ZNRF2: variants seen among roughly 807,000 people sequenced by gnomAD.
ZNRF2 encodes zinc and ring finger 2.
Under a neutral mutation model 20.4 loss-of-function variants are expected in ZNRF2, and 16 were observed. That is an observed-to-expected ratio of 0.79 (90% CI 0.53 to 1.19). The LOEUF (loss-of-function observed/expected upper bound fraction) is 1.19, where lower values mean the gene tolerates loss of function less well. Among genes scored for constraint, ZNRF2 ranks in the 50% most tolerant of loss-of-function variants. ZNRF2 has a pLI of 0.00. For missense variants in ZNRF2, 363 were observed against 332.4 expected, an observed-to-expected ratio of 1.09 and a Z score of -0.72; for synonymous variants, 178 against 144.9, an observed-to-expected ratio of 1.23 and a Z score of -1.64.
intron 1 of ZNRF2, chr7:30,289,659 G>A: frequency 2.4e-6 from 1 of 409,564 alleles, no homozygotes; most frequent in East Asian, 6.5e-5. Context: ...CTGTGTGTAA[G>A]TGTGGCCTGT....
chr7:30,319,791 CTGTT>C (rs1389777699), intron 1 of ZNRF2, among the ~76,000 whole-genome samples: 1 of 152,098 alleles, frequency 6.6e-6, no homozygotes, highest in Non-Finnish European at 1.5e-5. Flanking sequence ...GTTTTCTTCT[CTGTT>C]TAACAAGAGC....
At position 30,362,391 on chromosome 7, in the gene ZNRF2, G is replaced by A; in HGVS notation, c.686G>A (p.Trp229Ter). The A allele has an allele frequency of 6.3e-7, 1 of 1,587,840 alleles. No homozygotes were observed. The change falls in exon 4 of 5, where the codon TGG (tryptophan) becomes TAG (stop). Residue 229 changes from tryptophan (W) to a stop codon, truncating the protein, a stop_gained. Transcript: ENST00000323037. LOFTEE classifies it high-confidence loss of function. Reference sequence around the variant, plus strand: ...TTCCTTTCTAGCTGCATAGATGAATGGTTTGAAGTAAATAGATCTTGCCCT... The same window carrying A: ...TTCCTTTCTAGCTGCATAGATGAATAGTTTGAAGTAAATAGATCTTGCCCT... ...CIYHKGCIDEWFEVNRSCPEH... is the reference protein window; with the variant it reads ...CIYHKGCIDE
chr7:30,296,136 A>G (rs1367500870), intron 1 of ZNRF2, among the ~76,000 whole-genome samples: 1 of 152,204 alleles, frequency 6.6e-6, no homozygotes, highest in Non-Finnish European at 1.5e-5. Context: ...AATTATTGTC[A>G]TGTTTAAATT....
intron 1 of ZNRF2, among the ~76,000 whole-genome samples, chr7:30,301,444 C>T (rs1186056350): frequency 6.6e-6 from 1 of 152,092 alleles, no homozygotes; most frequent in Non-Finnish European, 1.5e-5. Context: ...GATCACGCCA[C>T]TGCACTCCAT....
At position 30,355,671 on chromosome 7, in the gene ZNRF2, CT is replaced by C. The variant is rs900507773; in HGVS notation, c.566-51del. The C allele has an allele frequency of 1.7e-5, 24 of 1,445,442 alleles. No homozygotes were observed. In the South Asian group the frequency reaches 2.4e-4, roughly 15 times the overall value. 89.5% of individuals were successfully genotyped at this position (1,445,442 alleles called of 1,614,324 possible). A position where few individuals can be genotyped will look rare whatever the true frequency, so the allele number is the denominator to read the frequency against. ...TTTATCAGTTAGCATTCACGTAATT[CT>C]TTTTTCAATTTGATGGATAATTTTA... On this transcript the variant is annotated intron_variant, in intron 2 of 4. Transcript: ENST00000323037.
At chr7:30,304,939 C>CATTAAA (rs1041469600) in intron 1 of ZNRF2, among the ~76,000 whole-genome samples, 2 of 152,082 alleles carry the variant, frequency 1.3e-5, no homozygotes, top group African/African-American at 4.8e-5. Context: ...ATATAACCAT[C>CATTAAA]ATTAAAATTA....
chr7:30,285,678 C>G lies in ZNRF2; in HGVS notation c.321C>G (p.Ser107Arg). ...CCCCCTTCAGCATCCCGAACAGCAG[C>G]AGCGGCCCGTACGGCTCGCAGGACT... ...AQSPFSIPNSSSGPYGSQDSV... is the reference protein window; with the variant it reads ...AQSPFSIPNSRSGPYGSQDSV... Residue 107 changes from serine to arginine, a missense_variant, in exon 1 of 5, where the codon AGC becomes AGG. This residue lies in a region of ZNRF2 where 302 missense variants were observed against 231.5 expected (regional missense o/e 1.30). Transcript: ENST00000323037. 2.1e-6 allele frequency: 3 copies of G among 1,450,422 alleles called. No homozygotes were observed. The highest frequency in any genetic ancestry group is 2.7e-6 in the Non-Finnish European group (3 of 1,107,742). The allele number at this position is 1,450,422 out of a possible 1,614,324, so 89.8% of individuals were successfully genotyped here. A position where few individuals can be genotyped will look rare whatever the true frequency, so the allele number is the denominator to read the frequency against.
intron 1 of ZNRF2, among the ~76,000 whole-genome samples, chr7:30,289,629 C>T (rs1010197761): frequency 6.6e-6 from 1 of 152,136 alleles, no homozygotes; most frequent in African/African-American, 2.4e-5. Context: ...TAATTTCATA[C>T]CTTCGTGTTA....
intron 2 of ZNRF2, among the ~76,000 whole-genome samples, chr7:30,333,496 A>G (rs930517091): frequency 1.3e-5 from 2 of 151,556 alleles, no homozygotes; most frequent in African/African-American, 4.9e-5. Flanking sequence ...CAGCCTTCCA[A>G]GTAGCTGGGA....
At chr7:30,308,743 T>G (rs1422382142) in intron 1 of ZNRF2, among the ~76,000 whole-genome samples, 1 of 152,212 alleles carries the variant, frequency 6.6e-6, no homozygotes. Flanking sequence ...CTGTAACAAT[T>G]AGTATTGTCA....
chr7:30,341,147 G>T (rs896360656), intron 2 of ZNRF2, among the ~76,000 whole-genome samples: 5 of 151,720 alleles, frequency 3.3e-5, no homozygotes, highest in African/African-American at 1.2e-4. Flanking sequence ...TCTGGCTAGG[G>T]GTCTACCTAT....
At chr7:30,331,455 T>C (rs1236079294) in intron 2 of ZNRF2, among the ~76,000 whole-genome samples, 2 of 152,162 alleles carry the variant, frequency 1.3e-5, no homozygotes, top group Non-Finnish European at 2.9e-5. Flanking sequence ...AAGTGGCAGA[T>C]TAGATAGAGC....
At position 30,284,744 on chromosome 7, in the gene ZNRF2, A is replaced by G. The variant is rs932179155; in HGVS notation, c.-614A>G. The G allele has an allele frequency of 4.4e-5, 8 of 179,830 alleles. No homozygotes were observed. The highest frequency in any genetic ancestry group is 1.9e-4 in the African/African-American group (8 of 41,506). The allele number at this position is 179,830 out of a possible 1,614,324, so 11.1% of individuals were successfully genotyped here. ...CGGCCCCTCCTTCGCAGGGGGAGCG[A>G]GGCGACGGTTGCCGGGAAGCGCGCG... On this transcript the variant is annotated 5_prime_UTR_variant, in exon 1 of 5. Coordinates refer to ENST00000323037, the MANE Select transcript of ZNRF2 (RefSeq NM_147128.4).
chr7:30,292,361 A>G (rs1272669047), intron 1 of ZNRF2, among the ~76,000 whole-genome samples: 1 of 152,142 alleles, frequency 6.6e-6, no homozygotes, highest in Non-Finnish European at 1.5e-5. Flanking sequence ...ATGATTTTTA[A>G]TTATTACCCA....
intron 1 of ZNRF2, among the ~76,000 whole-genome samples, chr7:30,300,743 G>C (rs373403993): frequency 6.6e-4 from 101 of 152,294 alleles, no homozygotes; most frequent in Middle Eastern, 3.4e-3. Flanking sequence ...AAATTTCACT[G>C]TCCAAGGAAT....
At chr7:30,301,869 G>A (rs954484552) in intron 1 of ZNRF2, among the ~76,000 whole-genome samples, 13 of 152,178 alleles carry the variant, frequency 8.5e-5, no homozygotes, top group Admixed American at 8.5e-4. Flanking sequence ...CTAGTGCACT[G>A]AAAAGAACTG....
intron 1 of ZNRF2, among the ~76,000 whole-genome samples, chr7:30,293,418 T>A (rs1473228690): frequency 6.6e-6 from 1 of 152,006 alleles, no homozygotes; most frequent in Non-Finnish European, 1.5e-5. Context: ...CTCACTAATT[T>A]TTGTATTTTT....
intron 2 of ZNRF2, among the ~76,000 whole-genome samples, chr7:30,334,359 A>C (rs995247541): frequency 7.2e-5 from 11 of 151,958 alleles, no homozygotes; most frequent in Non-Finnish European, 8.8e-5. Flanking sequence ...CTTTGTGTCT[A>C]TTTTTGTACC....
chr7:30,297,554 A>C (rs1799038318), intron 1 of ZNRF2, among the ~76,000 whole-genome samples: 1 of 152,092 alleles, frequency 6.6e-6, no homozygotes, highest in Non-Finnish European at 1.5e-5. Context: ...TTTCCCTGAG[A>C]ATTTAAAATG....
Sources: allele counts gnomAD v4.1 joint callset (sites outside exome capture counted in the v4.1 genomes callset), GRCh38; gene constraint gnomAD v4.1.1; regional missense constraint gnomAD v4.1.1; transcripts MANE v1.5; gene names NCBI Gene and HGNC (gene_info 2026-07-23, HGNC 2026-07-21).